FHOD3: variants seen among roughly 807,000 people sequenced by gnomAD.
The protein encoded by FHOD3 is FH1/FH2 domain-containing protein 3.
A neutral mutation model predicts 173.0 loss-of-function variants in FHOD3; 90 were observed. The ratio of observed to expected loss-of-function variants is 0.52; its 90% CI spans 0.44 to 0.62. FHOD3 has a LOEUF of 0.62. Ranked by LOEUF, FHOD3 falls within the 20% of genes least tolerant of loss-of-function variation. The pLI, the probability that FHOD3 is intolerant of heterozygous loss-of-function variation, is 0.00. For synonymous variants in FHOD3, 828 were observed against 823.0 expected (o/e 1.01, Z -0.10); for missense variants, 1,945 against 2,034.7 (o/e 0.96, Z 0.85).
At chr18:36,557,204 A>G (rs1012053529) in intron 5 of FHOD3, among the ~76,000 whole-genome samples, 12 of 152,166 alleles carry the variant, frequency 7.9e-5, no homozygotes, top group African/African-American at 2.7e-4. Context: ...ATTTTGAACA[A>G]ATTTTGAGAA....
intron 3 of FHOD3, among the ~76,000 whole-genome samples, chr18:36,443,960 G>GA (rs1462056936): frequency 6.6e-6 from 1 of 151,994 alleles, no homozygotes; most frequent in Non-Finnish European, 1.5e-5. Context: ...TGTGTCTGTA[G>GA]AAAAAACTCC....
chr18:36,760,867 C>A, intron 27 of FHOD3, 85 bp downstream of exon 27: 2 of 1,405,486 alleles, frequency 1.4e-6, no homozygotes, highest in Non-Finnish European at 9.5e-7. Flanking sequence ...GGCTGCGGTC[C>A]ACGGCTGTGA....
At chr18:36,627,036 G>A (rs1169935554) in intron 10 of FHOD3, among the ~76,000 whole-genome samples, 1 of 152,166 alleles carries the variant, frequency 6.6e-6, no homozygotes, top group Non-Finnish European at 1.5e-5. Flanking sequence ...TTATGTTTCT[G>A]AGAGTCTGTG....
chr18:36,717,890 C>T lies in FHOD3; in HGVS notation c.2592C>T (p.Leu864=), dbSNP rs1318333197. The change falls in exon 19 of 29, where the codon CTC becomes CTT. Residue 864 remains leucine, a synonymous_variant. Transcript: ENST00000590592. ...TAAATGGACAGTGTGGCGACATCCTCACCAACAAACGGTTCATGCTTGACA... is the reference window on the plus strand; with the variant it reads ...TAAATGGACAGTGTGGCGACATCCTTACCAACAAACGGTTCATGCTTGACA... The part of the protein sequence containing the change: ...AGVNGQCGDI[L]TNKRFMLDML... 6.2e-7 allele frequency: 1 copy of T among 1,612,064 alleles called. No individual in the cohort carries two copies. The highest frequency in any genetic ancestry group is 8.5e-7 in the Non-Finnish European group (1 of 1,178,966).
intron 27 of FHOD3, among the ~76,000 whole-genome samples, chr18:36,765,767 G>A (rs891270396): frequency 6.6e-6 from 1 of 152,038 alleles, no homozygotes; most frequent in Non-Finnish European, 1.5e-5. Context: ...CAGGTTAATA[G>A]AAAATGTATA....
intron 3 of FHOD3, among the ~76,000 whole-genome samples, chr18:36,431,441 G>A (rs987347003): frequency 2.0e-5 from 3 of 152,200 alleles, no homozygotes; most frequent in African/African-American, 4.8e-5. Flanking sequence ...TGTTTCCATC[G>A]GTCAAGTCTG....
chr18:36,767,756 A>G (rs2150356152), intron 27 of FHOD3, among the ~76,000 whole-genome samples: 1 of 152,240 alleles, frequency 6.6e-6, no homozygotes, highest in East Asian at 1.9e-4. Flanking sequence ...TCAGTCATGA[A>G]TTTTACTATC....
intron 3 of FHOD3, 140 bp from the exon 4 acceptor site, chr18:36,501,792 T>C: frequency 1.8e-6 from 1 of 550,068 alleles, no homozygotes; most frequent in Non-Finnish European, 3.2e-6. Context: ...TGGTTGGGGG[T>C]AAGGTCTGTA....
At chr18:36,611,893 T>A in intron 8 of FHOD3, 59 bp from the exon 9 acceptor site, 1 of 1,537,354 alleles carries the variant, frequency 6.5e-7, no homozygotes, top group Admixed American at 2.0e-5. Context: ...GAAAATGCCC[T>A]GAGAGCCTCA....
At chr18:36,427,704 G>C (rs1461516869) in intron 3 of FHOD3, among the ~76,000 whole-genome samples, 1 of 152,100 alleles carries the variant, frequency 6.6e-6, no homozygotes, top group Non-Finnish European at 1.5e-5. Flanking sequence ...TTTTTTTCAT[G>C]TCTGCACTCC....
intron 5 of FHOD3, among the ~76,000 whole-genome samples, chr18:36,534,804 A>G (rs934550436): frequency 2.6e-5 from 4 of 152,210 alleles, no homozygotes; most frequent in Admixed American, 2.0e-4. Flanking sequence ...ACACTCCAGC[A>G]AAAGAGAAGC....
At chr18:36,737,621 G>A (rs1003829672) in intron 20 of FHOD3, among the ~76,000 whole-genome samples, 4 of 152,142 alleles carry the variant, frequency 2.6e-5, no homozygotes, top group Admixed American at 6.5e-5. Flanking sequence ...GCTCACCTTC[G>A]ATAACTTTAC....
chr18:36,404,183 C>G (rs150003709), intron 3 of FHOD3, among the ~76,000 whole-genome samples: 1 of 152,322 alleles, frequency 6.6e-6, no homozygotes, highest in Non-Finnish European at 1.5e-5. Flanking sequence ...GTCCTGCCCT[C>G]CTGTAGGGAT....
At chr18:36,460,359 T>C (rs1310225000) in intron 3 of FHOD3, among the ~76,000 whole-genome samples, 13 of 152,240 alleles carry the variant, frequency 8.5e-5, no homozygotes, top group Admixed American at 7.2e-4. Flanking sequence ...GAGTCATCTG[T>C]TTATATCAGT....
intron 28 of FHOD3, among the ~76,000 whole-genome samples, chr18:36,773,614 G>A (rs920504649): frequency 1.3e-5 from 2 of 152,182 alleles, no homozygotes; most frequent in African/African-American, 4.8e-5. Context: ...GGTTAAGCGA[G>A]GCATCTATGA....
intron 3 of FHOD3, among the ~76,000 whole-genome samples, chr18:36,400,178 G>A (rs760023961): frequency 5.3e-5 from 8 of 152,078 alleles, no homozygotes; most frequent in Admixed American, 3.3e-4. Flanking sequence ...TTGTATGTTT[G>A]TAGAGCCATG....
At chr18:36,638,130 A>G (rs548686443) in intron 10 of FHOD3, among the ~76,000 whole-genome samples, 282 of 152,300 alleles carry the variant, frequency 1.9e-3, no homozygotes, top group Non-Finnish European at 2.9e-3. Flanking sequence ...CTGTAAGTAA[A>G]TATTCATTAA....
intron 20 of FHOD3, among the ~76,000 whole-genome samples, chr18:36,735,968 A>G (rs2041608637): frequency 6.6e-6 from 1 of 152,256 alleles, no homozygotes; most frequent in African/African-American, 2.4e-5. Flanking sequence ...AAGCAAATAT[A>G]CTTAGAGCAA....
chr18:36,555,574 T>C (rs2057845829), intron 5 of FHOD3, among the ~76,000 whole-genome samples: 1 of 152,126 alleles, frequency 6.6e-6, no homozygotes, highest in Non-Finnish European at 1.5e-5. Flanking sequence ...TCCAGTCTTT[T>C]ATATACTTAT....
Sources: allele counts gnomAD v4.1 joint callset (sites outside exome capture counted in the v4.1 genomes callset), GRCh38; gene constraint gnomAD v4.1.1; transcripts MANE v1.5; gene names NCBI Gene and HGNC (gene_info 2026-07-23, HGNC 2026-07-21).